Variants in SNX10 observed in about 807,000 individuals in gnomAD.
SNX10 encodes the protein sorting nexin-10.
A neutral mutation model predicts 28.5 loss-of-function variants in SNX10; 25 were observed. The observed-to-expected ratio is 0.88, with a 90% confidence interval of 0.64 to 1.22. SNX10 has a LOEUF of 1.22. SNX10 is among the 50% of genes most tolerant of loss of function. The pLI, the probability that SNX10 is intolerant of heterozygous loss-of-function variation, is 0.00. For missense variants in SNX10, 223 were observed against 242.6 expected (o/e 0.92, Z 0.54); for synonymous variants, 62 against 81.4 (o/e 0.76, Z 1.28).
chr7:26,374,354 CAA>C lies in SNX10; in HGVS notation c.*1783_*1784del, dbSNP rs1789695757. 1 of 151,948 alleles carries C rather than the reference CAA, an allele frequency of 6.6e-6. No homozygotes were observed. Among genetic ancestry groups the C allele is most frequent in the African/African-American group, 2.4e-5 (1 of 41,394 alleles). 9.4% of individuals were successfully genotyped at this position (151,948 alleles called of 1,614,324 possible). A position where few individuals can be genotyped will look rare whatever the true frequency, so the allele number is the denominator to read the frequency against. ...ACTTTGCCGGATCACTTATTTTATA[CAA>C]GAGAATATATTCTGCCTTAGACCCA... On this transcript the variant is annotated 3_prime_UTR_variant, in exon 7 of 7. Coordinates refer to ENST00000338523, the MANE Select transcript of SNX10 (RefSeq NM_013322.3).
intron 1 of SNX10, among the ~76,000 whole-genome samples, chr7:26,298,864 CA>C (rs1786210576): frequency 6.6e-6 from 1 of 152,194 alleles, no homozygotes; most frequent in African/African-American, 2.4e-5. Flanking sequence ...AGAAAGAGAA[CA>C]AGCTCTTGGT....
At chr7:26,327,333 A>G (rs1033550643) in intron 1 of SNX10, among the ~76,000 whole-genome samples, 5 of 152,200 alleles carry the variant, frequency 3.3e-5, no homozygotes, top group Admixed American at 2.6e-4. Flanking sequence ...CTACTGACCT[A>G]GGTTTGAGTC....
At chr7:26,363,838 A>G (rs1161640454) in intron 3 of SNX10, among the ~76,000 whole-genome samples, 1 of 152,200 alleles carries the variant, frequency 6.6e-6, no homozygotes, top group East Asian at 1.9e-4. Context: ...CACCCTGTGA[A>G]TTAGATATAT....
chr7:26,317,659 C>CTTT (rs11310428), intron 1 of SNX10, among the ~76,000 whole-genome samples: 15 of 106,210 alleles, frequency 1.4e-4, no homozygotes, highest in Non-Finnish European at 2.1e-4. Flanking sequence ...CTTCTTTGAT[C>CTTT]TTTTTTTTTT....
intron 1 of SNX10, among the ~76,000 whole-genome samples, chr7:26,306,558 C>T (rs570539910): frequency 1.7e-4 from 26 of 152,076 alleles, no homozygotes; most frequent in Admixed American, 4.6e-4. Context: ...GCACGCACCA[C>T]CATGCCTGGC....
At chr7:26,319,296 T>C (rs956720034) in intron 1 of SNX10, among the ~76,000 whole-genome samples, 1 of 148,888 alleles carries the variant, frequency 6.7e-6, no homozygotes. Flanking sequence ...AATATACTTA[T>C]GAAATGTTAG....
intron 1 of SNX10, among the ~76,000 whole-genome samples, chr7:26,312,313 G>A (rs928181213): frequency 5.3e-5 from 8 of 151,988 alleles, no homozygotes; most frequent in African/African-American, 1.9e-4. Flanking sequence ...AAAAAGTATT[G>A]GCATAGCAAC....
intron 1 of SNX10, among the ~76,000 whole-genome samples, chr7:26,343,417 G>A (rs890297583): frequency 5.3e-5 from 8 of 152,154 alleles, no homozygotes; most frequent in African/African-American, 1.4e-4. Flanking sequence ...GTGAAGTGGG[G>A]ATATTCAAAT....
intron 1 of SNX10, among the ~76,000 whole-genome samples, chr7:26,297,754 CAAG>C (rs1786168182): frequency 6.6e-6 from 1 of 152,108 alleles, no homozygotes; most frequent in African/African-American, 2.4e-5. Context: ...TGTAAAATAT[CAAG>C]AAATAATGGC....
At chr7:26,372,054 T>G (rs779476144) in intron 6 of SNX10, 21 bp downstream of exon 6, 3 of 1,463,024 alleles carry the variant, frequency 2.1e-6, no homozygotes, top group East Asian at 4.6e-5. Context: ...GCATTTTGAT[T>G]TAATGTATAT....
At chr7:26,347,949 CTTTTTG>C (rs59119586) in intron 2 of SNX10, among the ~76,000 whole-genome samples, 56,094 of 151,780 alleles carry the variant, frequency 0.37, 10,920 homozygotes, top group South Asian at 0.61. Flanking sequence ...GGATTTTTGT[CTTTTTG>C]TTTTAGTAGA....
At chr7:26,349,922 G>A (rs1193379619) in intron 2 of SNX10, among the ~76,000 whole-genome samples, 5 of 152,228 alleles carry the variant, frequency 3.3e-5, no homozygotes, top group Non-Finnish European at 7.3e-5. Context: ...CTTTCATGGA[G>A]TCGGACATTC....
In SNX10 at chr7:26,372,667, C is replaced by A; in HGVS notation, c.*95C>A. The stretch of plus-strand genomic sequence containing the variant: ...ATAATACATTCTTACCTAAAGCTCA[C>A]TGTCATGATGTTAGGTATTTAAATT... On this transcript the variant is annotated 3_prime_UTR_variant, in exon 7 of 7. Coordinates refer to ENST00000338523, the MANE Select transcript of SNX10 (RefSeq NM_013322.3). 1 of 771,420 alleles carries A rather than the reference C, an allele frequency of 1.3e-6. No individual in the cohort carries two copies. The highest frequency in any genetic ancestry group is 1.5e-5 in the South Asian group (1 of 68,062). 47.8% of individuals were successfully genotyped at this position (771,420 alleles called of 1,614,324 possible).
intron 1 of SNX10, among the ~76,000 whole-genome samples, chr7:26,346,081 C>G (rs1788375100): frequency 2.0e-5 from 3 of 152,190 alleles, no homozygotes; most frequent in African/African-American, 7.2e-5. Context: ...CCAGCATCCC[C>G]CCGCACATGG....
At chr7:26,308,327 G>C (rs1306430665) in intron 1 of SNX10, among the ~76,000 whole-genome samples, 2 of 152,164 alleles carry the variant, frequency 1.3e-5, no homozygotes, top group Non-Finnish European at 2.9e-5. Context: ...CATTTCAGGA[G>C]GGGTTCTGCC....
At chr7:26,318,938 G>A (rs1358891061) in intron 1 of SNX10, among the ~76,000 whole-genome samples, 2 of 152,302 alleles carry the variant, frequency 1.3e-5, no homozygotes, top group South Asian at 4.1e-4. Context: ...GAGAGGTTAA[G>A]TAACTTGTTC....
chr7:26,371,788 C>T (rs1342357004), intron 5 of SNX10, 33 bp from the exon 6 acceptor site: 1 of 1,471,788 alleles, frequency 6.8e-7, no homozygotes, highest in East Asian at 2.3e-5. Context: ...CCATCCTGTT[C>T]ACCAATTATT....
chr7:26,316,123 G>A (rs1359714293), intron 1 of SNX10, among the ~76,000 whole-genome samples: 1 of 150,820 alleles, frequency 6.6e-6, no homozygotes, highest in Non-Finnish European at 1.5e-5. Flanking sequence ...GGCAGAGCTT[G>A]CAGTGAGCCG....
chr7:26,335,691 A>C (rs1787900415), intron 1 of SNX10, among the ~76,000 whole-genome samples: 1 of 151,852 alleles, frequency 6.6e-6, no homozygotes, highest in Non-Finnish European at 1.5e-5. Flanking sequence ...AACTTGGCAC[A>C]GAACTAAACA....
Sources: allele counts gnomAD v4.1 joint callset (sites outside exome capture counted in the v4.1 genomes callset), GRCh38; gene constraint gnomAD v4.1.1; transcripts MANE v1.5; gene names NCBI Gene and HGNC (gene_info 2026-07-23, HGNC 2026-07-21).